The following BCO1 variants were observed in gnomAD, a reference collection of about 807,000 sequenced individuals.
BCO1 encodes beta-carotene oxygenase 1, also known as beta,beta-carotene 15,15'-dioxygenase.
BCO1 carries 54 observed loss-of-function variants against 56.3 expected under a neutral mutation model. The observed-to-expected ratio is 0.96, with a 90% CI of 0.77 to 1.20. BCO1 has a LOEUF of 1.20. Ranked by LOEUF, BCO1 falls within the 50% of genes most tolerant of loss-of-function variation. BCO1 has a pLI of 0.00. For missense variants in BCO1, 801 were observed against 690.9 expected, an observed-to-expected ratio of 1.16 and a Z score of -1.79; for synonymous variants, 318 against 266.1, an observed-to-expected ratio of 1.20 and a Z score of -1.90.
chr16:81,267,894 T>A lies in BCO1; in HGVS notation c.620-14T>A. Reference sequence around the variant, plus strand: ...TCCTGCACAATTCCTGAGGCTTGCTTTTTGTCTTGCTAGAGGGCAAGAAGC... The same window carrying A: ...TCCTGCACAATTCCTGAGGCTTGCTATTTGTCTTGCTAGAGGGCAAGAAGC... On this transcript the variant is annotated splice_polypyrimidine_tract_variant and intron_variant, in intron 5 of 10. Coordinates refer to ENST00000258168, the MANE Select transcript of BCO1 (RefSeq NM_017429.3). 1 of 1,612,184 alleles carries A rather than the reference T, an allele frequency of 6.2e-7. No homozygotes were observed. The highest frequency in any genetic ancestry group is 8.5e-7 in the Non-Finnish European group (1 of 1,178,876).
Position 81,245,373 on chromosome 16 carries a change from G to A in BCO1, c.65-102G>A, listed in dbSNP as rs1013830658. ...GAATAAACGAACAGATGCAAGGAGT[G>A]GTACTGGGACCACAACTCTCAAATT... On this transcript the variant is annotated intron_variant, in intron 1 of 10. Coordinates refer to ENST00000258168, the MANE Select transcript of BCO1 (RefSeq NM_017429.3). 21 of 1,531,526 alleles carry A rather than the reference G, an allele frequency of 1.4e-5. No individual in the cohort carries two copies. In the African/African-American group the frequency reaches 2.5e-4, roughly 18 times the overall value. The allele number at this position is 1,531,526 out of a possible 1,614,324, so 94.9% of individuals were successfully genotyped here.
chr16:81,280,866 G>A lies in BCO1; in HGVS notation c.1111G>A (p.Val371Met), dbSNP rs375301674. The change falls in exon 8 of 11, where the codon GTG becomes ATG. Residue 371 changes from valine (V) to methionine (M), a missense_variant. By Grantham distance (21) the Val-to-Met change is conservative. Coordinates refer to ENST00000258168, the MANE Select transcript of BCO1 (RefSeq NM_017429.3). ...AACTGAATTTTTTCAGAATGCAGAA[G>A]TGGGCACAAATTTAATCAAAGTGGC... is the stretch of plus-strand genomic sequence containing the variant. Reference protein sequence around the residue: ...VPLHVDKNAEVGTNLIKVAST... With the variant: ...VPLHVDKNAEMGTNLIKVAST... 6 of 1,613,280 alleles carry A rather than the reference G, an allele frequency of 3.7e-6. No individual in the cohort carries two copies. In the African/African-American group the frequency reaches 5.3e-5, roughly 14 times the overall value.
rs540718403 is a variant in BCO1, at chr16:81,249,397, C to T, written c.193+3794C>T. 2.0e-5 allele frequency among the ~76,000 whole-genome samples: 3 copies of T among 152,236 alleles called. No individual in the cohort carries two copies. The South Asian group carries it at 6.2e-4, about 32-fold the overall frequency. On this transcript the variant is annotated intron_variant, in intron 2 of 10. Coordinates refer to ENST00000258168, the MANE Select transcript of BCO1 (RefSeq NM_017429.3). ...TCAGCCTCCCGAGTAGCTGGGACTA[C>T]AGGCTCCCACCACCACGCCTGGCTA...
At chr16:81,254,992 C>T (rs986073591) in intron 2 of BCO1, among the ~76,000 whole-genome samples, 11 of 152,214 alleles carry the variant, frequency 7.2e-5, no homozygotes, top group Admixed American at 4.6e-4. Context: ...CCATGCTGCC[C>T]AAGTAGTCTT....
intron 4 of BCO1, chr16:81,263,712 A>G (rs1055673999): frequency 7.2e-5 from 11 of 152,244 alleles, no homozygotes; most frequent in African/African-American, 2.4e-4. Flanking sequence ...CACAAAAATC[A>G]GTGCCCAAGC....
intron 7 of BCO1, among the ~76,000 whole-genome samples, chr16:81,273,996 A>G (rs1907397305): frequency 6.6e-6 from 1 of 152,196 alleles, no homozygotes; most frequent in South Asian, 2.1e-4. Context: ...TGAAATCAGC[A>G]CATGAGCCCT....
intron 7 of BCO1, among the ~76,000 whole-genome samples, chr16:81,277,130 G>A (rs1199973605): frequency 2.0e-5 from 3 of 151,576 alleles, no homozygotes; most frequent in Admixed American, 6.6e-5. Flanking sequence ...TATGGCTAGC[G>A]ATTGCCGTTT....
At chr16:81,264,023 T>C (rs945290688) in intron 4 of BCO1, 8 of 156,922 alleles carry the variant, frequency 5.1e-5, no homozygotes, top group African/African-American at 1.9e-4. Flanking sequence ...GCGCAGACGG[T>C]TGGTCTGCGG....
chr16:81,283,859 A>C (rs912096174), intron 8 of BCO1, among the ~76,000 whole-genome samples: 4 of 151,902 alleles, frequency 2.6e-5, no homozygotes, highest in African/African-American at 4.8e-5. Context: ...AGACTTAGAA[A>C]TTCAATTTGA....
chr16:81,277,618 G>A (rs543163129), intron 7 of BCO1, among the ~76,000 whole-genome samples: 126 of 152,272 alleles, frequency 8.3e-4, no homozygotes, highest in Middle Eastern at 3.4e-3. Flanking sequence ...AGGTCTGCTC[G>A]AATCTGCATG....
At chr16:81,270,090 A>C in intron 6 of BCO1, 69 bp from the exon 7 acceptor site, 1 of 1,602,260 alleles carries the variant, frequency 6.2e-7, no homozygotes, top group Non-Finnish European at 8.5e-7. Flanking sequence ...GGTTTTGTTC[A>C]GCCCCCAGAT....
Position 81,262,221 on chromosome 16 carries a change from G to C in BCO1, c.409G>C (p.Ala137Pro), listed in dbSNP as rs1046638346. Residue 137 changes from alanine (A) to proline (P), a missense_variant, in exon 4 of 11, where the codon GCG (alanine) becomes CCG (proline). By Grantham distance (27) the Ala-to-Pro change is conservative (BLOSUM62 -1). Coordinates refer to ENST00000258168, the MANE Select transcript of BCO1 (RefSeq NM_017429.3). ...NIMKCGEDFY[A>P]TSETNYIRKI... is the part of the protein sequence containing the mutation. Reference sequence around the variant, plus strand: ...CATGAAGTGCGGAGAAGACTTCTACGCGACCTCAGAGACCAATTACATCAG... The same window carrying C: ...CATGAAGTGCGGAGAAGACTTCTACCCGACCTCAGAGACCAATTACATCAG... The C allele has an allele frequency of 6.2e-7, 1 of 1,613,676 alleles. No individual in the cohort carries two copies. Among genetic ancestry groups the C allele is most frequent in the African/African-American group, 1.3e-5 (1 of 74,836 alleles).
chr16:81,279,221 G>A (rs910970800), intron 7 of BCO1, among the ~76,000 whole-genome samples: 3 of 152,232 alleles, frequency 2.0e-5, no homozygotes, highest in African/African-American at 7.2e-5. Flanking sequence ...TAAGGCTACA[G>A]TGAGCTGTCA....
chr16:81,278,824 G>A (rs1165107769), intron 7 of BCO1, among the ~76,000 whole-genome samples: 1 of 152,200 alleles, frequency 6.6e-6, no homozygotes, highest in Non-Finnish European at 1.5e-5. Flanking sequence ...CTTTGGACCA[G>A]TCCCTTTCCT....
rs781501121 is a variant in BCO1, at chr16:81,262,350, G to T, written c.471+67G>T. ...AAAGGGAGAGTCGGCGACGGCCGGG[G>T]TGAGGTTGCTCAGCCTGCAAGCAGC... On this transcript the variant is annotated intron_variant, in intron 4 of 10. Transcript: ENST00000258168. The T allele has an allele frequency of 1.6e-5, 24 of 1,547,592 alleles. No individual in the cohort carries two copies. The Admixed American group carries it at 3.7e-4, about 24-fold the overall frequency.
intron 1 of BCO1, among the ~76,000 whole-genome samples, chr16:81,244,750 A>C (rs1262549696): frequency 2.1e-5 from 3 of 145,268 alleles, no homozygotes; most frequent in Non-Finnish European, 3.0e-5. Context: ...TTTTTGAGAC[A>C]AGGTCTTGCT....
rs1905343090 is a variant in BCO1 at position 81,245,397 on chromosome 16, T to A, written c.65-78T>A. The A allele has an allele frequency of 1.9e-6, 3 of 1,608,322 alleles. No homozygotes were observed. The South Asian group carries it at 3.3e-5, about 18-fold the overall frequency. On this transcript the variant is annotated intron_variant, in intron 1 of 10. Transcript: ENST00000258168. ...TGGTACTGGGACCACAACTCTCAAA[T>A]TCCTTTCCATGACCATTTCTTCCAG...
In BCO1 at chr16:81,271,800, A is replaced by C. The variant is rs942615973; in HGVS notation, c.1101+1384A>C. Among the ~76,000 whole-genome samples the C allele has an allele frequency of 6.6e-5, 10 of 152,212 alleles. No individual in the cohort carries two copies. The East Asian group carries it at 1.7e-3, about 26-fold the overall frequency. On this transcript the variant is annotated intron_variant, in intron 7 of 10. Transcript: ENST00000258168. The stretch of plus-strand genomic sequence containing the variant: ...AGTCTCGCTCTGCCGCCCAGGCTGG[A>C]GTGCAGTGGTGTAATCTCGGCTCAT...
intron 3 of BCO1, among the ~76,000 whole-genome samples, chr16:81,260,825 A>G (rs1051706375): frequency 3.3e-5 from 5 of 152,216 alleles, no homozygotes; most frequent in Admixed American, 1.3e-4. Context: ...TACATTTTAA[A>G]TCATCTGGAT....
Sources: allele counts gnomAD v4.1 joint callset (sites outside exome capture counted in the v4.1 genomes callset), GRCh38; gene constraint gnomAD v4.1.1; transcripts MANE v1.5; gene names NCBI Gene and HGNC (gene_info 2026-07-23, HGNC 2026-07-21).